The following PLEKHA6 variants were observed in gnomAD, a reference collection of about 807,000 sequenced individuals.
PLEKHA6 encodes pleckstrin homology domain containing A6, also known as pleckstrin homology domain-containing family A member 6.
Under a neutral mutation model 116.7 loss-of-function variants are expected in PLEKHA6, and 60 were observed. The ratio of observed to expected loss-of-function variants is 0.51; its 90% CI spans 0.42 to 0.64. The LOEUF (loss-of-function observed/expected upper bound fraction) is 0.64. Among genes scored for constraint, PLEKHA6 ranks in the 30% least tolerant of loss-of-function variants. The pLI, the probability that PLEKHA6 is intolerant of heterozygous loss-of-function variation, is 0.00. For missense variants in PLEKHA6, 1,338 were observed against 1,422.7 expected (o/e 0.94, Z 0.96); for synonymous variants, 489 against 556.1 (o/e 0.88, Z 1.70).
At chr1:204,281,070 C>G in intron 1 of PLEKHA6, 1 of 827,572 alleles carries the variant, frequency 1.2e-6, no homozygotes, top group Non-Finnish European at 1.5e-6. Context: ...TGTCTGTAGT[C>G]CCAGCTACTC....
At position 204,300,956 on chromosome 1, in the gene PLEKHA6, C is replaced by G. The variant is rs145555555; in HGVS notation, c.-94-26147G>C. ...TAACTGGCAGCAAAACTCAACCTGACTTGAGCATATTTAGCTGCAAACTGC... is the reference window on the plus strand; with the variant it reads ...TAACTGGCAGCAAAACTCAACCTGAGTTGAGCATATTTAGCTGCAAACTGC... On this transcript the variant is annotated intron_variant, in intron 1 of 22. Transcript: ENST00000272203. Among the ~76,000 whole-genome samples, 401 of 152,346 alleles carry G rather than the reference C, an allele frequency of 2.6e-3. 5 individuals carry two copies. The highest frequency in any genetic ancestry group is 9.4e-3 in the African/African-American group (390 of 41,580).
intron 9 of PLEKHA6, among the ~76,000 whole-genome samples, chr1:204,251,301 T>C (rs541448863): frequency 6.6e-6 from 1 of 152,066 alleles, no homozygotes; most frequent in Non-Finnish European, 1.5e-5. Context: ...TGGCATGAGA[T>C]GTTGGTGCTG....
chr1:204,360,475 G>T (rs1351727495), upstream of PLEKHA6, among the ~76,000 whole-genome samples: 1 of 151,902 alleles, frequency 6.6e-6, no homozygotes, highest in East Asian at 1.9e-4. Flanking sequence ...GTGTGAGTGG[G>T]TTGTGGAGCC....
At chr1:204,307,714 C>T in intron 1 of PLEKHA6, 1 of 208,074 alleles carries the variant, frequency 4.8e-6, no homozygotes, top group Non-Finnish European at 8.4e-6. Flanking sequence ...TTGGAAACAT[C>T]AGACAGCCCT....
In PLEKHA6 at chr1:204,338,367, A is replaced by G. The variant is rs193257372; in HGVS notation, c.-95+21327T>C. 2.5e-3 allele frequency among the ~76,000 whole-genome samples: 383 copies of G among 152,320 alleles called. 5 individuals are homozygous for G. The highest frequency in any genetic ancestry group is 8.9e-3 in the African/African-American group (368 of 41,566). ...AGCCTGCTCTGTTAAATGCACATAC[A>G]AAGTGTGTGGCAAGTGCTTGTTCTC... On this transcript the variant is annotated intron_variant, in intron 1 of 22. Coordinates refer to ENST00000272203, the MANE Select transcript of PLEKHA6 (RefSeq NM_014935.5).
chr1:204,280,299 G>A (rs1388332648), intron 1 of PLEKHA6: 1 of 985,270 alleles, frequency 1.0e-6, no homozygotes, highest in African/African-American at 1.7e-5. Context: ...ACACTGTCAA[G>A]AGTGGCAAAA....
intron 1 of PLEKHA6, chr1:204,326,952 G>T (rs2103251569): frequency 1.0e-6 from 1 of 984,526 alleles, no homozygotes. Context: ...CACTTAGGCA[G>T]GGAGTGGTCC....
At chr1:204,290,164 C>A (rs1288842122) in intron 1 of PLEKHA6, among the ~76,000 whole-genome samples, 1 of 152,200 alleles carries the variant, frequency 6.6e-6, no homozygotes, top group African/African-American at 2.4e-5. Context: ...CCTAGCAGAT[C>A]TTTGTAAAGT....
At chr1:204,247,333 C>T (rs1196108508) in intron 13 of PLEKHA6, 32 bp downstream of exon 13, 1 of 1,380,876 alleles carries the variant, frequency 7.2e-7, no homozygotes, top group Admixed American at 1.7e-5. Flanking sequence ...AGTCACATCC[C>T]AATCCCCGCC....
At position 204,359,715 on chromosome 1, in the gene PLEKHA6, C is replaced by T. The variant is rs1673515199; in HGVS notation, c.-116G>A. 3.1e-6 allele frequency: 3 copies of T among 977,774 alleles called. No individual in the cohort carries two copies. The highest frequency in any genetic ancestry group is 4.7e-5 in the South Asian group (1 of 21,132). 60.6% of individuals were successfully genotyped at this position (977,774 alleles called of 1,614,324 possible). ...TCACCGGCTTCTGAGGTGTGATCCC[C>T]GCGCTGGAAAGCTCTAACTCTGCGA... On this transcript the variant is annotated 5_prime_UTR_variant, in exon 1 of 23. Coordinates refer to ENST00000272203, the MANE Select transcript of PLEKHA6 (RefSeq NM_014935.5).
Position 204,277,781 on chromosome 1 carries a change from G to C in PLEKHA6, c.-94-2972C>G, listed in dbSNP as rs938182127. The C allele has an allele frequency of 6.6e-6, 1 of 152,260 alleles. No homozygotes were observed. Among genetic ancestry groups the C allele is most frequent in the African/African-American group, 2.4e-5 (1 of 41,442 alleles). The allele number at this position is 152,260 out of a possible 1,614,324, so 9.4% of individuals were successfully genotyped here. A position where few individuals can be genotyped will look rare whatever the true frequency, so the allele number is the denominator to read the frequency against. On this transcript the variant is annotated intron_variant, in intron 1 of 22. Coordinates refer to ENST00000272203, the MANE Select transcript of PLEKHA6 (RefSeq NM_014935.5). This position sits in a 1 kb window ranked among gnomAD's most constrained non-coding sequence, Gnocchi z 4.1. ...TAATGAATGAAGGTCCTCTGCCCCT[G>C]TCCCTCCGACTTGCTCCCCTCAGAC...
At position 204,257,492 on chromosome 1, in the gene PLEKHA6, T is replaced by G. The variant is rs755565031; in HGVS notation, c.1385A>C (p.Gln462Pro). The G allele has an allele frequency of 5.7e-6, 9 of 1,583,146 alleles. No individual in the cohort carries two copies. Among genetic ancestry groups the G allele is most frequent in the African/African-American group, 4.0e-5 (3 of 74,554 alleles). Reference protein sequence around the residue: ...RSHSVPRSPSQGSYSRARIYS... With the variant: ...RSHSVPRSPSPGSYSRARIYS... ...AATGCGGGCACGGCTGTAGGAGCCC[T>G]GGCTGGGTGAGCGGGGCACAGAGTG... The change falls in exon 9 of 23, where the codon CAG becomes CCG. Residue 462 changes from glutamine (Q) to proline (P), a missense_variant. Transcript: ENST00000272203. The surrounding 1 kb of genome is among the most constrained non-coding windows in gnomAD (Gnocchi z 6.5).
intron 21 of PLEKHA6, among the ~76,000 whole-genome samples, chr1:204,224,773 T>C (rs1660104218): frequency 6.6e-6 from 1 of 152,222 alleles, no homozygotes; most frequent in African/African-American, 2.4e-5. Context: ...TGTAACTTCA[T>C]GTGCAAATAC....
intron 1 of PLEKHA6, among the ~76,000 whole-genome samples, chr1:204,339,930 G>C (rs573384676): frequency 7.9e-5 from 12 of 152,258 alleles, no homozygotes; most frequent in Non-Finnish European, 1.5e-4. Context: ...TATATTAACT[G>C]TATAAACTAA....
intron 1 of PLEKHA6, chr1:204,301,303 C>G: frequency 1.0e-6 from 1 of 962,244 alleles, no homozygotes; most frequent in Non-Finnish European, 1.2e-6. Flanking sequence ...TCTGGAGAGT[C>G]TCTGGGTTCC....
chr1:204,303,904 G>A (rs1197424098), intron 1 of PLEKHA6, among the ~76,000 whole-genome samples: 2 of 151,936 alleles, frequency 1.3e-5, no homozygotes, highest in African/African-American at 4.8e-5. Flanking sequence ...TTGTAGAGAC[G>A]GGATTTCACC....
chr1:204,290,096 T>C (rs896618255), intron 1 of PLEKHA6, among the ~76,000 whole-genome samples: 1 of 152,184 alleles, frequency 6.6e-6, no homozygotes, highest in Admixed American at 6.5e-5. Flanking sequence ...CTCAATATTG[T>C]TAAATTGTCA....
intron 21 of PLEKHA6, among the ~76,000 whole-genome samples, chr1:204,226,033 T>C (rs763148201): frequency 6.6e-6 from 1 of 152,220 alleles, no homozygotes; most frequent in Non-Finnish European, 1.5e-5. Context: ...GGCACTGAAC[T>C]CTACTCGCTG....
chr1:204,366,103 G>A (rs79381807), intron 3 of PLEKHA6, among the ~76,000 whole-genome samples: 1 of 152,210 alleles, frequency 6.6e-6, no homozygotes, highest in South Asian at 2.1e-4. Flanking sequence ...GGTCAGAGAG[G>A]TGGACAGGTA....
Sources: gnomAD v4.1 joint callset for allele counts (sites outside exome capture counted in the v4.1 genomes callset) on GRCh38, gnomAD v4.1.1 for gene constraint, Gnocchi (gnomAD v3.1) non-coding constraint, MANE v1.5 for transcripts, NCBI Gene and HGNC (gene_info 2026-07-23, HGNC 2026-07-21) for gene names.